Variants in FXN observed in about 807,000 individuals in gnomAD.
FXN encodes the protein frataxin, mitochondrial.
FXN carries 14 observed loss-of-function variants against 22.4 expected under a neutral mutation model. The observed-to-expected ratio is 0.62, with a 90% CI of 0.41 to 0.98. FXN has a LOEUF of 0.98. Among genes scored for constraint, FXN ranks in the 50% least tolerant of loss-of-function variants. FXN has a pLI of 0.00. For missense variants in FXN, 267 were observed against 268.4 expected (o/e 0.99, Z 0.04); for synonymous variants, 120 against 114.1 (o/e 1.05, Z -0.33).
chr9:69,055,001 C>T (rs1299051170), intron 3 of FXN, among the ~76,000 whole-genome samples: 1 of 152,108 alleles, frequency 6.6e-6, no homozygotes, highest in Non-Finnish European at 1.5e-5. Flanking sequence ...GCAACCAAGT[C>T]TTAGAGAAGG....
chr9:69,072,539 A>G, intron 4 of FXN, 73 bp from the exon 5 acceptor site: 1 of 1,610,138 alleles, frequency 6.2e-7, no homozygotes, highest in East Asian at 2.2e-5. Flanking sequence ...TCTTGGGGGC[A>G]GCATTTGTGG....
In FXN at chr9:69,074,308, A is replaced by G; in HGVS notation, c.*1546A>G. 2 of 985,336 alleles carry G rather than the reference A, an allele frequency of 2.0e-6. No homozygotes were observed. Among genetic ancestry groups the G allele is most frequent in the Non-Finnish European group, 1.2e-6 (1 of 829,856 alleles). The allele number at this position is 985,336 out of a possible 1,614,324, so 61.0% of individuals were successfully genotyped here. On this transcript the variant is annotated 3_prime_UTR_variant, in exon 5 of 5. Coordinates refer to ENST00000484259, the MANE Select transcript of FXN (RefSeq NM_000144.5). ...TGACCTGCACTTTATACAAAGCAAC[A>G]AGCCTCCAGGACATTAAAATTCATG...
intron 3 of FXN, among the ~76,000 whole-genome samples, chr9:69,060,462 T>A (rs185106180): frequency 1.3e-5 from 2 of 151,998 alleles, no homozygotes; most frequent in Admixed American, 1.3e-4. Flanking sequence ...TTTTGACTAT[T>A]CCCCCTGCAC....
rs577112663 is a variant in FXN, at chr9:69,077,192, G to C, written c.*4430G>C. Reference sequence around the variant, plus strand: ...CTCCCAAAGTGCTGGGATTACAGGCGTGAGCCACTGCACCCAGCCAGAAAT... The same window carrying C: ...CTCCCAAAGTGCTGGGATTACAGGCCTGAGCCACTGCACCCAGCCAGAAAT... On this transcript the variant is annotated 3_prime_UTR_variant, in exon 5 of 5. Transcript: ENST00000484259. 1.3e-5 allele frequency: 13 copies of C among 973,994 alleles called. No individual in the cohort carries two copies. The highest frequency in any genetic ancestry group is 1.8e-5 in the African/African-American group (1 of 56,968). 60.3% of individuals were successfully genotyped at this position (973,994 alleles called of 1,614,324 possible).
intron 2 of FXN, among the ~76,000 whole-genome samples, 195 bp downstream of exon 2, chr9:69,046,677 A>C (rs1247564106): frequency 6.6e-6 from 1 of 152,154 alleles, no homozygotes; most frequent in East Asian, 1.9e-4. Flanking sequence ...CCCATCCCCT[A>C]CTGTTGGACA....
Position 69,076,169 on chromosome 9 carries a change from T to C in FXN, c.*3407T>C. ...TTTGAATCACAAATTTAGAATTTAA[T>C]CGAAACTCTGCCTCTTACTTGTTTG... On this transcript the variant is annotated 3_prime_UTR_variant, in exon 5 of 5. Transcript: ENST00000484259. 5 of 984,818 alleles carry C rather than the reference T, an allele frequency of 5.1e-6. No individual in the cohort carries two copies. Among genetic ancestry groups the C allele is most frequent in the Non-Finnish European group, 6.0e-6 (5 of 829,706 alleles). 61.0% of individuals were successfully genotyped at this position (984,818 alleles called of 1,614,324 possible).
intron 1 of FXN, among the ~76,000 whole-genome samples, chr9:69,046,065 A>G (rs1257068691): frequency 6.6e-6 from 1 of 152,186 alleles, no homozygotes; most frequent in Non-Finnish European, 1.5e-5. Flanking sequence ...CTGCGAATCT[A>G]CTGTCATGTG....
chr9:69,045,631 A>G (rs1831738822), intron 1 of FXN, among the ~76,000 whole-genome samples: 1 of 152,168 alleles, frequency 6.6e-6, no homozygotes, highest in East Asian at 1.9e-4. Flanking sequence ...AAACTTCAGC[A>G]TGATTATTTA....
intron 4 of FXN, among the ~76,000 whole-genome samples, chr9:69,066,866 A>AT (rs1230682681): frequency 2.0e-4 from 24 of 117,380 alleles, no homozygotes; most frequent in African/African-American, 5.5e-4. Context: ...CTCAAAAAAA[A>AT]AAAATATATA....
intron 1 of FXN, among the ~76,000 whole-genome samples, chr9:69,040,443 T>C (rs964356455): frequency 1.3e-5 from 2 of 152,042 alleles, no homozygotes; most frequent in African/African-American, 4.8e-5. Context: ...CCGAGGCAGG[T>C]GGATCACGAG....
Position 69,073,910 on chromosome 9 carries a change from G to A in FXN, c.*1148G>A, listed in dbSNP as rs17847101. The A allele has an allele frequency of 1.3e-4, 125 of 983,758 alleles. No individual in the cohort carries two copies. The East Asian group carries it at 8.4e-3, about 66-fold the overall frequency. 60.9% of individuals were successfully genotyped at this position (983,758 alleles called of 1,614,324 possible). A position where few individuals can be genotyped will look rare whatever the true frequency, so the allele number is the denominator to read the frequency against. ...AAATAATAGCCATCCTTGGCCTGGC[G>A]CGGTGGCTCACACCTGTAATCCCAG... On this transcript the variant is annotated 3_prime_UTR_variant, in exon 5 of 5. Coordinates refer to ENST00000484259, the MANE Select transcript of FXN (RefSeq NM_000144.5).
chr9:69,075,066 G>C lies in FXN; in HGVS notation c.*2304G>C, dbSNP rs146574092. On this transcript the variant is annotated 3_prime_UTR_variant, in exon 5 of 5. Coordinates refer to ENST00000484259, the MANE Select transcript of FXN (RefSeq NM_000144.5). ...GAATCTGGGCTCTTATGGGGTCCTT[G>C]TGGGCCAGCCCTTCAGGCCTATTTT... The C allele has an allele frequency of 2.7e-5, 27 of 985,424 alleles. No individual in the cohort carries two copies. The highest frequency in any genetic ancestry group is 3.3e-5 in the Non-Finnish European group (27 of 829,960). The allele number at this position is 985,424 out of a possible 1,614,324, so 61.0% of individuals were successfully genotyped here.
chr9:69,074,728 T>C lies in FXN; in HGVS notation c.*1966T>C, dbSNP rs1338845341. On this transcript the variant is annotated 3_prime_UTR_variant, in exon 5 of 5. Transcript: ENST00000484259. ...CAGCCTGGGCAACACAGCAAGATCC[T>C]ATCTCTTAAAAAAAGAAAAAAAAAC... The C allele has an allele frequency of 1.1e-5, 10 of 893,782 alleles. No homozygotes were observed. In the African/African-American group the frequency reaches 1.9e-4, roughly 17 times the overall value. The allele number at this position is 893,782 out of a possible 1,614,324, so 55.4% of individuals were successfully genotyped here.
chr9:69,060,674 A>G (rs545030160), intron 3 of FXN, among the ~76,000 whole-genome samples: 1 of 152,306 alleles, frequency 6.6e-6, no homozygotes, highest in East Asian at 1.9e-4. Context: ...GAAAAAATCT[A>G]TTTACAGTGA....
intron 1 of FXN, among the ~76,000 whole-genome samples, chr9:69,045,888 G>C (rs1175722345): frequency 6.6e-6 from 1 of 152,226 alleles, no homozygotes; most frequent in African/African-American, 2.4e-5. Context: ...CTACAGGACA[G>C]TTGACTTGGC....
chr9:69,064,848 T>C (rs1832140137), intron 3 of FXN, 90 bp from the exon 4 acceptor site: 12 of 766,792 alleles, frequency 1.6e-5, no homozygotes, highest in Non-Finnish European at 2.8e-5. Flanking sequence ...AAATGGAAAG[T>C]GTTGAGATAA....
Position 69,078,734 on chromosome 9 carries a change from T to G in FXN, c.*5972T>G, listed in dbSNP as rs1832415801. ...GCCAGTGCTGTTTCCATTTTGGTCT[T>G]TATTCCCCACATCTCTGCCTGGGGG... On this transcript the variant is annotated 3_prime_UTR_variant, in exon 5 of 5. Transcript: ENST00000484259. The G allele has an allele frequency of 1.0e-6, 1 of 985,534 alleles. No homozygotes were observed. The allele number at this position is 985,534 out of a possible 1,614,324, so 61.0% of individuals were successfully genotyped here. A position where few individuals can be genotyped will look rare whatever the true frequency, so the allele number is the denominator to read the frequency against.
At chr9:69,052,417 G>A (rs1564333093) in intron 2 of FXN, among the ~76,000 whole-genome samples, 1 of 152,098 alleles carries the variant, frequency 6.6e-6, no homozygotes, top group Non-Finnish European at 1.5e-5. Context: ...GCCTCCGAAA[G>A]TCCTGGGATT....
intron 1 of FXN, among the ~76,000 whole-genome samples, chr9:69,039,495 C>T (rs1831617266): frequency 7.2e-6 from 1 of 138,452 alleles, no homozygotes; most frequent in Non-Finnish European, 1.6e-5. Context: ...AAAGCACAGC[C>T]CCACAGCCCC....
Sources: gnomAD v4.1 joint callset for allele counts (sites outside exome capture counted in the v4.1 genomes callset) on GRCh38, gnomAD v4.1.1 for gene constraint, MANE v1.5 for transcripts, NCBI Gene and HGNC (gene_info 2026-07-23, HGNC 2026-07-21) for gene names.